The following COPG2 variants were observed in gnomAD, a reference collection of about 807,000 sequenced individuals.
COPG2 encodes coatomer subunit gamma-2.
In COPG2, 37 loss-of-function variants were observed where a neutral mutation model predicts 46.3. The observed-to-expected ratio is 0.80, with a 90% CI of 0.61 to 1.05. The LOEUF is 1.05. COPG2 is among the 50% of genes least tolerant of loss of function. The pLI, the probability that COPG2 is intolerant of heterozygous loss-of-function variation, is 0.00. For synonymous variants in COPG2, 159 were observed against 129.7 expected, an observed-to-expected ratio of 1.23 and a Z score of -1.53; for missense variants, 427 against 387.8, an observed-to-expected ratio of 1.10 and a Z score of -0.85.
chr7:130,521,548 A>T (rs1799724082), intron 20 of COPG2, among the ~76,000 whole-genome samples: 1 of 152,222 alleles, frequency 6.6e-6, no homozygotes, highest in Admixed American at 6.5e-5. Flanking sequence ...AAGAAAAACA[A>T]CAGAATAAAG....
intron 19 of COPG2, 101 bp from the exon 20 acceptor site, chr7:130,547,946 T>C: frequency 2.5e-6 from 1 of 397,204 alleles, no homozygotes; most frequent in Non-Finnish European, 4.4e-6. Context: ...CTTCTATCTC[T>C]ACAGAGCAGG....
rs782759000 is a variant in COPG2, at chr7:130,600,202, C to T, written c.737+10751G>A. Among the ~76,000 whole-genome samples, 31 of 152,164 alleles carry T rather than the reference C, an allele frequency of 2.0e-4. 1 individual carries two copies. The highest frequency in any genetic ancestry group is 6.8e-3 in the Middle Eastern group (2 of 294). On this transcript the variant is annotated intron_variant, in intron 9 of 23. Transcript: ENST00000425248. ...AATATTAAGCATATACAAGTTCATT[C>T]CTGTTATATTTTTTTAGACCATTAC...
chr7:130,631,739 T>C (rs1280180962), intron 5 of COPG2, among the ~76,000 whole-genome samples: 1 of 54,570 alleles, frequency 1.8e-5, no homozygotes, highest in African/African-American at 5.4e-5. Context: ...AACTCCATAC[T>C]AAATTCTTTT....
intron 20 of COPG2, among the ~76,000 whole-genome samples, chr7:130,536,995 G>T: frequency 6.6e-6 from 1 of 152,056 alleles, no homozygotes; most frequent in African/African-American, 2.4e-5. Context: ...GGAGGAGGTG[G>T]GAGGAGGGTG....
At chr7:130,591,616 G>A (rs1425424556) in intron 9 of COPG2, among the ~76,000 whole-genome samples, 3 of 77,188 alleles carry the variant, frequency 3.9e-5, no homozygotes, top group East Asian at 4.3e-4. Context: ...GGTCAGCCCC[G>A]CACCCGGCCA....
At chr7:130,615,590 G>T (rs1794937170) in intron 6 of COPG2, among the ~76,000 whole-genome samples, 1 of 152,188 alleles carries the variant, frequency 6.6e-6, no homozygotes, top group Non-Finnish European at 1.5e-5. Context: ...TTTCATGTCA[G>T]GGAATTATAT....
chr7:130,635,037 G>C (rs1554455903), intron 5 of COPG2, among the ~76,000 whole-genome samples: 1 of 150,210 alleles, frequency 6.7e-6, no homozygotes, highest in East Asian at 1.9e-4. Context: ...TGCTGAACCA[G>C]CCTTGCATCC....
chr7:130,560,838 A>G (rs1376526445), intron 12 of COPG2, among the ~76,000 whole-genome samples, 195 bp downstream of exon 12: 1 of 152,224 alleles, frequency 6.6e-6, no homozygotes, highest in Admixed American at 6.5e-5. Context: ...CTAAAACCAT[A>G]AAGCATTTAG....
At chr7:130,655,461 T>C (rs1161048535) in intron 4 of COPG2, among the ~76,000 whole-genome samples, 1 of 152,224 alleles carries the variant, frequency 6.6e-6, no homozygotes, top group Non-Finnish European at 1.5e-5. Context: ...GATTCTTTCC[T>C]TAGCTTTGAG....
At chr7:130,664,664 A>G (rs1796038839) in intron 3 of COPG2, among the ~76,000 whole-genome samples, 1 of 152,252 alleles carries the variant, frequency 6.6e-6, no homozygotes, top group Non-Finnish European at 1.5e-5. Context: ...AAATGTTTCA[A>G]CATGAGTTGC....
chr7:130,590,217 GTC>G (rs1350863822), intron 9 of COPG2, among the ~76,000 whole-genome samples: 2 of 147,286 alleles, frequency 1.4e-5, no homozygotes, highest in Non-Finnish European at 3.0e-5. Context: ...TCTCCCCACG[GTC>G]TCTCTCTCCC....
At chr7:130,528,955 C>T (rs1343973403) in intron 20 of COPG2, among the ~76,000 whole-genome samples, 1 of 151,984 alleles carries the variant, frequency 6.6e-6, no homozygotes, top group Non-Finnish European at 1.5e-5. Context: ...GAATGAAGGA[C>T]AGGAGGGAGG....
chr7:130,599,421 A>C (rs1256256405), intron 9 of COPG2, among the ~76,000 whole-genome samples: 2 of 152,198 alleles, frequency 1.3e-5, no homozygotes, highest in Non-Finnish European at 2.9e-5. Context: ...CAGTTCCAAG[A>C]ACACCCGCAT....
intron 20 of COPG2, among the ~76,000 whole-genome samples, chr7:130,544,398 A>G (rs1054120420): frequency 3.9e-5 from 6 of 152,194 alleles, no homozygotes; most frequent in African/African-American, 1.4e-4. Flanking sequence ...ATGGCAGGCA[A>G]TATTTCCAAT....
At chr7:130,621,990 A>T (rs997884729) in intron 5 of COPG2, among the ~76,000 whole-genome samples, 1 of 151,454 alleles carries the variant, frequency 6.6e-6, no homozygotes, top group Admixed American at 6.6e-5. Context: ...CTTTATTTAC[A>T]TGGTTTTGGC....
chr7:130,513,967 T>G (rs1554441396), intron 20 of COPG2, among the ~76,000 whole-genome samples: 1 of 152,112 alleles, frequency 6.6e-6, no homozygotes, highest in Non-Finnish European at 1.5e-5. Flanking sequence ...GGAAACTGTG[T>G]AAAGGGAGAA....
At chr7:130,607,356 G>T in intron 9 of COPG2, 2 of 373,840 alleles carry the variant, frequency 5.3e-6, no homozygotes, top group South Asian at 4.3e-5. Context: ...ATCATATCAG[G>T]GTTAGTTTCT....
At chr7:130,528,061 G>A (rs1022926806) in intron 20 of COPG2, among the ~76,000 whole-genome samples, 6 of 152,096 alleles carry the variant, frequency 3.9e-5, no homozygotes, top group African/African-American at 1.4e-4. Context: ...TGAAGACATC[G>A]GTGCTAAGGA....
At chr7:130,652,727 A>G in intron 5 of COPG2, 142 bp downstream of exon 5, 1 of 642,678 alleles carries the variant, frequency 1.6e-6, no homozygotes, top group South Asian at 1.9e-5. Flanking sequence ...CATGATGAAA[A>G]CTTCATTTTA....
Sources: allele counts gnomAD v4.1 joint callset (sites outside exome capture counted in the v4.1 genomes callset), GRCh38; gene constraint gnomAD v4.1.1; transcripts MANE v1.5; gene names NCBI Gene and HGNC (gene_info 2026-07-23, HGNC 2026-07-21).